SLC35F1: variants seen among roughly 807,000 people sequenced by gnomAD.
SLC35F1 encodes the protein chromosome 6 open reading frame 169.
Under a neutral mutation model 48.7 loss-of-function variants are expected in SLC35F1, and 14 were observed. That is an observed-to-expected ratio of 0.29 (90% CI 0.19 to 0.45). The LOEUF is 0.45. SLC35F1 is among the 20% of genes least tolerant of loss of function. SLC35F1 has a pLI of 1.00. For synonymous variants in SLC35F1, 190 were observed against 202.2 expected (o/e 0.94, Z 0.51); for missense variants, 404 against 500.0 (o/e 0.81, Z 1.83).
chr6:118,185,334 T>C (rs1160653746), intron 2 of SLC35F1, among the ~76,000 whole-genome samples: 1 of 152,044 alleles, frequency 6.6e-6, no homozygotes, highest in African/African-American at 2.4e-5. Flanking sequence ...TTTGGGAAAA[T>C]AAAAGCCAGA....
At chr6:118,130,473 A>G (rs955646989) in intron 1 of SLC35F1, among the ~76,000 whole-genome samples, 2 of 152,186 alleles carry the variant, frequency 1.3e-5, no homozygotes, top group Middle Eastern at 6.3e-3. Context: ...TCCATCTCAA[A>G]CAAACAAAAC....
chr6:118,270,696 CA>C (rs1179927839), intron 4 of SLC35F1, among the ~76,000 whole-genome samples: 1 of 152,168 alleles, frequency 6.6e-6, no homozygotes, highest in East Asian at 1.9e-4. Flanking sequence ...AGGCCTCCTC[CA>C]AAAGACCATC....
intron 1 of SLC35F1, among the ~76,000 whole-genome samples, chr6:118,041,397 G>A (rs1019287916): frequency 2.0e-5 from 3 of 152,036 alleles, no homozygotes; most frequent in East Asian, 3.9e-4. Context: ...AGTTCAGAGC[G>A]CTTCACTGCC....
chr6:118,100,368 C>T (rs918517711), intron 1 of SLC35F1, among the ~76,000 whole-genome samples: 1 of 152,100 alleles, frequency 6.6e-6, no homozygotes, highest in Non-Finnish European at 1.5e-5. Context: ...GTCCTCACTT[C>T]AGACACCAGC....
chr6:118,148,942 G>A (rs1302037254), intron 1 of SLC35F1, among the ~76,000 whole-genome samples: 1 of 152,150 alleles, frequency 6.6e-6, no homozygotes, highest in Non-Finnish European at 1.5e-5. Context: ...GGTAAGATAA[G>A]CAACCATCTT....
At chr6:118,200,649 C>G (rs1209357526) in intron 2 of SLC35F1, among the ~76,000 whole-genome samples, 1 of 152,158 alleles carries the variant, frequency 6.6e-6, no homozygotes, top group Non-Finnish European at 1.5e-5. Flanking sequence ...CCAGGAGGGC[C>G]TCACAAGCTA....
chr6:118,120,253 G>C (rs151267554), intron 1 of SLC35F1, among the ~76,000 whole-genome samples: 2 of 152,130 alleles, frequency 1.3e-5, no homozygotes, highest in African/African-American at 4.8e-5. Flanking sequence ...TGCAGTCTGA[G>C]CTATCTGGAT....
chr6:118,116,205 G>A (rs1773474176), intron 1 of SLC35F1, among the ~76,000 whole-genome samples: 1 of 152,134 alleles, frequency 6.6e-6, no homozygotes, highest in African/African-American at 2.4e-5. Flanking sequence ...TTATAGAGTG[G>A]GAGAATGAGA....
In SLC35F1 at chr6:118,254,589, T is replaced by G. The variant is rs560259818; in HGVS notation, c.478-12406T>G. Among the ~76,000 whole-genome samples, 4 of 152,246 alleles carry G rather than the reference T, an allele frequency of 2.6e-5. No individual in the cohort carries two copies. The East Asian group carries it at 7.7e-4, about 29-fold the overall frequency. ...CCACCACACCCAGCAATTTTTGCGG[T>G]TTTCTAACGAAACCTGGAAATAAAC... is the stretch of plus-strand genomic sequence containing the variant. On this transcript the variant is annotated intron_variant, in intron 3 of 7. Transcript: ENST00000360388.
intron 2 of SLC35F1, among the ~76,000 whole-genome samples, chr6:118,188,252 A>G (rs1774685892): frequency 6.6e-6 from 1 of 152,242 alleles, no homozygotes; most frequent in South Asian, 2.1e-4. Context: ...AGAAAATCAC[A>G]GTATAGGAAA....
At chr6:118,232,195 T>C (rs1327368889) in intron 2 of SLC35F1, among the ~76,000 whole-genome samples, 1 of 152,150 alleles carries the variant, frequency 6.6e-6, no homozygotes, top group Non-Finnish European at 1.5e-5. Context: ...ATTAATAATC[T>C]AATGTGTAAT....
At chr6:118,143,161 G>A (rs1773917645) in intron 1 of SLC35F1, among the ~76,000 whole-genome samples, 1 of 152,056 alleles carries the variant, frequency 6.6e-6, no homozygotes, top group South Asian at 2.1e-4. Flanking sequence ...AATTTGACAT[G>A]GGTTTTTATT....
At chr6:117,986,361 A>T (rs1776847836) in intron 1 of SLC35F1, among the ~76,000 whole-genome samples, 1 of 152,210 alleles carries the variant, frequency 6.6e-6, no homozygotes, top group South Asian at 2.1e-4. Flanking sequence ...AAAGGTATTT[A>T]TTATACTACC....
chr6:118,309,697 G>GT (rs1320649433), intron 7 of SLC35F1, among the ~76,000 whole-genome samples: 1 of 152,350 alleles, frequency 6.6e-6, no homozygotes, highest in Middle Eastern at 3.4e-3. Context: ...GAAGTCATTA[G>GT]TTTGTTAAAA....
intron 2 of SLC35F1, among the ~76,000 whole-genome samples, chr6:118,173,854 T>C (rs1774447441): frequency 6.6e-6 from 1 of 152,160 alleles, no homozygotes; most frequent in South Asian, 2.1e-4. Context: ...AGCTGAATTG[T>C]AAAGCAAAGA....
intron 1 of SLC35F1, among the ~76,000 whole-genome samples, chr6:118,103,410 C>T (rs1359092074): frequency 1.3e-5 from 2 of 152,184 alleles, no homozygotes; most frequent in African/African-American, 4.8e-5. Context: ...CACAAAGTGC[C>T]ATTTGGCTCT....
chr6:117,973,079 A>G (rs1562252311), intron 1 of SLC35F1, among the ~76,000 whole-genome samples: 2 of 152,188 alleles, frequency 1.3e-5, no homozygotes, highest in East Asian at 3.8e-4. Context: ...TTTTCACAAT[A>G]TCTCACAGGA....
intron 2 of SLC35F1, among the ~76,000 whole-genome samples, chr6:118,230,859 G>T (rs1435794455): frequency 6.6e-6 from 1 of 152,086 alleles, no homozygotes; most frequent in Non-Finnish European, 1.5e-5. Context: ...TACTCAAGAG[G>T]CTGAAGCAGG....
intron 6 of SLC35F1, among the ~76,000 whole-genome samples, chr6:118,281,221 T>TATATATATAA (rs1454414881): frequency 6.7e-6 from 1 of 149,078 alleles, no homozygotes; most frequent in African/African-American, 2.5e-5. Context: ...TATATATATA[T>TATATATATAA]AAAATATTAA....
Sources: gnomAD v4.1 joint callset for allele counts (sites outside exome capture counted in the v4.1 genomes callset) on GRCh38, gnomAD v4.1.1 for gene constraint, MANE v1.5 for transcripts, NCBI Gene and HGNC (gene_info 2026-07-23, HGNC 2026-07-21) for gene names.